PPP6R2: variants seen among roughly 807,000 people sequenced by gnomAD.
PPP6R2 encodes the protein protein phosphatase 6 regulatory subunit 2, also known as serine/threonine-protein phosphatase 6 regulatory subunit 2.
In PPP6R2, 62 loss-of-function variants were observed where a neutral mutation model predicts 100.2. The observed-to-expected ratio is 0.62, with a 90% CI of 0.50 to 0.76. The LOEUF is 0.76. Among genes scored for constraint, PPP6R2 ranks in the 30% least tolerant of loss-of-function variants. The pLI is 0.00. For synonymous variants in PPP6R2, 525 were observed against 514.7 expected (o/e 1.02, Z -0.27); for missense variants, 1,142 against 1,276.3 (o/e 0.89, Z 1.60).
At chr22:50,432,789 G>A (rs1375039623) in intron 12 of PPP6R2, among the ~76,000 whole-genome samples, 1 of 152,248 alleles carries the variant, frequency 6.6e-6, no homozygotes, top group African/African-American at 2.4e-5. Context: ...CCCGTTTGCT[G>A]TCCTGCTGGG....
intron 19 of PPP6R2, among the ~76,000 whole-genome samples, chr22:50,439,262 C>G (rs1435920062): frequency 6.6e-6 from 1 of 152,148 alleles, no homozygotes. Context: ...CTGAGCTCTT[C>G]GCTGACAGAG....
chr22:50,353,418 GTTTA>G (rs943875050), intron 1 of PPP6R2, among the ~76,000 whole-genome samples: 10 of 152,094 alleles, frequency 6.6e-5, no homozygotes, highest in Non-Finnish European at 1.5e-4. Flanking sequence ...CTTACGCAGC[GTTTA>G]TTAAGTTTGC....
chr22:50,396,195 C>CAAA (rs528437459), intron 3 of PPP6R2, among the ~76,000 whole-genome samples: 50 of 51,576 alleles, frequency 9.7e-4, no homozygotes, highest in East Asian at 1.9e-3. Flanking sequence ...GACTCTGGCT[C>CAAA]AAAAAAAAAA....
chr22:50,436,405 G>T lies in PPP6R2; in HGVS notation c.1555G>T (p.Val519Leu), dbSNP rs761147889. The change falls in exon 14 of 24, where the codon GTG becomes TTG. Residue 519 changes from valine (V) to leucine (L), a missense_variant. Val to Leu is a conservative substitution (Grantham distance 32, BLOSUM62 1). Transcript: ENST00000612753. The stretch of plus-strand genomic sequence containing the variant: ...CTGCCGTGGCCGCTGGGAGAGCTTC[G>T]TGGAGGAGACGCTGACGGAGACGAA... ...ADCRGRWESFVEETLTETNRR... is the reference protein window; with the variant it reads ...ADCRGRWESFLEETLTETNRR... The T allele has an allele frequency of 3.8e-6, 6 of 1,591,982 alleles. No homozygotes were observed. The Admixed American group carries it at 7.2e-5, about 19-fold the overall frequency.
chr22:50,433,343 A>G (rs150504261), intron 12 of PPP6R2, among the ~76,000 whole-genome samples: 1,944 of 90,776 alleles, frequency 0.021, 243 homozygotes, highest in Middle Eastern at 0.04. Flanking sequence ...GTGAACCTGG[A>G]GGAGGGCTGG....
At chr22:50,407,182 A>G (rs1603269345) in intron 4 of PPP6R2, among the ~76,000 whole-genome samples, 4 of 152,198 alleles carry the variant, frequency 2.6e-5, no homozygotes, top group African/African-American at 9.6e-5. Flanking sequence ...CCCTGTCTCT[A>G]CTAAAAGTAC....
rs772808572 is a variant in PPP6R2, at chr22:50,443,934, C to T, written c.2648C>T (p.Pro883Leu). The change falls in exon 23 of 24, where the codon CCA (proline) becomes CTA (leucine). Residue 883 changes from proline to leucine, a missense_variant. Around this residue, in one of 2 missense-constraint regions of PPP6R2, gnomAD observed 550 missense variants for 517.4 expected, o/e 1.06. Transcript: ENST00000612753. ...GCGCCAAAGGAAGTGACTGCTGCCC[C>T]AGCCGTGGCTGTGCCCCCCGAGGCT... Reference protein sequence around the residue: ...CPAPKEVTAAPAVAVPPEATV... With the variant: ...CPAPKEVTAALAVAVPPEATV... 109 of 1,607,382 alleles carry T rather than the reference C, an allele frequency of 6.8e-5. 1 individual carries two copies. The Admixed American group carries it at 1.8e-3, about 26-fold the overall frequency.
intron 10 of PPP6R2, among the ~76,000 whole-genome samples, chr22:50,424,637 T>C (rs1433342472): frequency 2.1e-4 from 26 of 121,344 alleles, no homozygotes; most frequent in African/African-American, 7.7e-4. Context: ...CTTCTTCTTT[T>C]TTTTTTTTTT....
chr22:50,424,567 G>A (rs951843356), intron 10 of PPP6R2, among the ~76,000 whole-genome samples: 16 of 151,292 alleles, frequency 1.1e-4, no homozygotes, highest in Admixed American at 3.3e-4. Context: ...TGCTTTGGCT[G>A]TGAGATCCCA....
the PPP6R2 span, among the ~76,000 whole-genome samples, chr22:50,338,141 AGT>A: frequency 1.1e-3 from 97 of 90,432 alleles, 1 homozygote; most frequent in South Asian, 0.014. Context: ...ATGTGTATGT[AGT>A]GTGTGTGGTA....
intron 1 of PPP6R2, among the ~76,000 whole-genome samples, chr22:50,351,026 G>GGTTTTTTTTT (rs1386357403): frequency 1.2e-5 from 1 of 80,748 alleles, no homozygotes; most frequent in Admixed American, 1.6e-4. Context: ...TCTCAACAGT[G>GGTTTTTTTTT]TTTTTTTTTT....
intron 3 of PPP6R2, 36 bp from the exon 4 acceptor site, chr22:50,406,653 A>T (rs1225991634): frequency 6.3e-7 from 1 of 1,584,006 alleles, no homozygotes; most frequent in African/African-American, 1.3e-5. Context: ...GGAGAAGTCT[A>T]ATTTCACCTC....
chr22:50,436,985 T>A lies in PPP6R2; in HGVS notation c.1603-3T>A, dbSNP rs1217647695. 39 of 1,554,592 alleles carry A rather than the reference T, an allele frequency of 2.5e-5. No individual in the cohort carries two copies. The highest frequency in any genetic ancestry group is 3.2e-5 in the Non-Finnish European group (37 of 1,149,098). ...CGCCCACCCCATCTGGCCTGTGTTT[T>A]AGGTGAGCACTCACCACCTTCACTC... On this transcript the variant is annotated splice_region_variant and splice_polypyrimidine_tract_variant and intron_variant, in intron 14 of 23. Coordinates refer to ENST00000612753, the MANE Select transcript of PPP6R2 (RefSeq NM_001242898.2).
upstream of PPP6R2, among the ~76,000 whole-genome samples, chr22:50,339,437 GGTGTGTGTT>G (rs1443972681): frequency 9.6e-5 from 10 of 104,630 alleles, no homozygotes; most frequent in South Asian, 3.6e-4. Flanking sequence ...GTGTGTTTAC[GGTGTGTGTT>G]GTGTGTGGTG....
At chr22:50,372,529 A>G (rs946444302) in intron 2 of PPP6R2, among the ~76,000 whole-genome samples, 2 of 151,754 alleles carry the variant, frequency 1.3e-5, no homozygotes, top group African/African-American at 4.8e-5. Flanking sequence ...AGTCTGGGCG[A>G]CAGAGCAAGA....
intron 1 of PPP6R2, among the ~76,000 whole-genome samples, chr22:50,369,167 G>A (rs2049415434): frequency 6.6e-6 from 1 of 151,912 alleles, no homozygotes; most frequent in African/African-American, 2.4e-5. Flanking sequence ...GAACCTAGGA[G>A]GCGGAGGTTG....
At chr22:50,436,847 C>T (rs1227964598) in intron 14 of PPP6R2, 141 bp from the exon 15 acceptor site, 4 of 729,564 alleles carry the variant, frequency 5.5e-6, no homozygotes, top group African/African-American at 5.2e-5. Flanking sequence ...AGCACGGCCT[C>T]CTGGGCCCAG....
intron 22 of PPP6R2, among the ~76,000 whole-genome samples, chr22:50,442,856 C>T (rs1023336491): frequency 1.3e-5 from 2 of 149,440 alleles, no homozygotes; most frequent in Non-Finnish European, 3.0e-5. Context: ...CTGGCCTAGT[C>T]ACTGAAATTC....
At chr22:50,420,414 C>T (rs936191396) in intron 8 of PPP6R2, among the ~76,000 whole-genome samples, 17 of 152,242 alleles carry the variant, frequency 1.1e-4, no homozygotes, top group East Asian at 3.9e-4. Flanking sequence ...TGCTGAGTCA[C>T]GACAGTGAAT....
Sources: gnomAD v4.1 joint callset for allele counts (sites outside exome capture counted in the v4.1 genomes callset) on GRCh38, gnomAD v4.1.1 for gene constraint, gnomAD v4.1.1 regional missense constraint, MANE v1.5 for transcripts, NCBI Gene and HGNC (gene_info 2026-07-23, HGNC 2026-07-21) for gene names.